The following SGCD variants were observed in gnomAD, a reference collection of about 807,000 sequenced individuals.
The protein encoded by SGCD is delta-sarcoglycan.
A neutral mutation model predicts 36.6 loss-of-function variants in SGCD; 18 were observed. The observed-to-expected ratio is 0.49, with a 90% CI of 0.34 to 0.73. The LOEUF (loss-of-function observed/expected upper bound fraction) is 0.73. Ranked by LOEUF, SGCD falls within the 30% of genes least tolerant of loss-of-function variation. SGCD has a pLI of 0.01. For missense variants in SGCD, 387 were observed against 346.7 expected (o/e 1.12, Z -0.92); for synonymous variants, 133 against 130.6 (o/e 1.02, Z -0.12).
At chr5:156,069,485 C>T (rs1383289519) in intron 1 of SGCD, among the ~76,000 whole-genome samples, 1 of 152,044 alleles carries the variant, frequency 6.6e-6, no homozygotes, top group Non-Finnish European at 1.5e-5. Flanking sequence ...TGATCTATAT[C>T]TCCATTTTGG....
At chr5:156,197,472 C>CTTTT (rs368116194) in intron 3 of SGCD, among the ~76,000 whole-genome samples, 7 of 134,000 alleles carry the variant, frequency 5.2e-5, no homozygotes, top group Admixed American at 7.5e-5. Flanking sequence ...AATAGTTTTC[C>CTTTT]TTTTTTTTTT....
At chr5:156,321,424 T>TAAAC (rs1362764919) in intron 3 of SGCD, among the ~76,000 whole-genome samples, 5 of 119,104 alleles carry the variant, frequency 4.2e-5, no homozygotes, top group African/African-American at 1.6e-4. Context: ...CGACTGAAAA[T>TAAAC]AAATAAACAA....
At chr5:156,389,018 A>T (rs1450033489) in intron 3 of SGCD, among the ~76,000 whole-genome samples, 1 of 152,184 alleles carries the variant, frequency 6.6e-6, no homozygotes, top group Non-Finnish European at 1.5e-5. Flanking sequence ...ATTCTTATCT[A>T]GAGTAAGGCT....
intron 3 of SGCD, among the ~76,000 whole-genome samples, chr5:156,426,119 C>T (rs899400211): frequency 1.3e-5 from 2 of 152,060 alleles, no homozygotes; most frequent in Non-Finnish European, 2.9e-5. Context: ...ACTTTCAGTT[C>T]TTTAAGGAAT....
At chr5:155,733,976 G>T in the SGCD span, among the ~76,000 whole-genome samples, 1 of 151,508 alleles carries the variant, frequency 6.6e-6, no homozygotes. Context: ...CTATGTGCCA[G>T]GTTCCATTTA....
In SGCD at chr5:156,393,188, A is replaced by G. The variant is rs545993907; in HGVS notation, c.192+48511A>G. 3.2e-3 allele frequency among the ~76,000 whole-genome samples: 484 copies of G among 152,324 alleles called. 5 individuals carry two copies. Among genetic ancestry groups the G allele is most frequent in the Non-Finnish European group, 3.0e-3 (204 of 68,024 alleles). On this transcript the variant is annotated intron_variant, in intron 3 of 8. Transcript: ENST00000337851. Reference sequence around the variant, plus strand: ...AAACCAAGAGACAGGGACAGGACGGACATGCTTGAATAAATGAAATGTAAT... The same window carrying G: ...AAACCAAGAGACAGGGACAGGACGGGCATGCTTGAATAAATGAAATGTAAT...
At chr5:156,440,592 G>C (rs1249580772) in intron 3 of SGCD, among the ~76,000 whole-genome samples, 2 of 152,032 alleles carry the variant, frequency 1.3e-5, no homozygotes, top group African/African-American at 4.8e-5. Context: ...ATATAAAAGG[G>C]TTCTAGTTTT....
intron 1 of SGCD, among the ~76,000 whole-genome samples, chr5:155,973,933 T>A (rs1307723011): frequency 6.6e-6 from 1 of 152,184 alleles, no homozygotes; most frequent in Non-Finnish European, 1.5e-5. Flanking sequence ...TGGCCTCCAA[T>A]GTAGGTGCTC....
the SGCD span, among the ~76,000 whole-genome samples, chr5:155,821,594 T>C: frequency 2.0e-5 from 3 of 152,200 alleles, no homozygotes; most frequent in African/African-American, 7.2e-5. Flanking sequence ...ATTACAGGTG[T>C]GAGCTACTGT....
intron 3 of SGCD, among the ~76,000 whole-genome samples, chr5:156,383,583 G>C (rs1228730192): frequency 2.0e-5 from 3 of 152,118 alleles, no homozygotes; most frequent in Non-Finnish European, 4.4e-5. Flanking sequence ...CTCTGCTTCT[G>C]GTCACTGTGG....
At chr5:156,526,195 C>G (rs1477020177) in intron 4 of SGCD, among the ~76,000 whole-genome samples, 1 of 151,764 alleles carries the variant, frequency 6.6e-6, no homozygotes, top group Non-Finnish European at 1.5e-5. Context: ...AGAACTTAAG[C>G]TGGGGAAGGA....
intron 3 of SGCD, among the ~76,000 whole-genome samples, chr5:156,437,418 C>G (rs1371009399): frequency 6.6e-6 from 1 of 152,090 alleles, no homozygotes; most frequent in Non-Finnish European, 1.5e-5. Flanking sequence ...GAAGTATTGT[C>G]TATGGCAAAG....
chr5:156,606,338 C>A (rs1761452193), intron 6 of SGCD, among the ~76,000 whole-genome samples: 1 of 151,952 alleles, frequency 6.6e-6, no homozygotes, highest in African/African-American at 2.4e-5. Flanking sequence ...TCAGGTATGT[C>A]AAAGATCAGA....
At chr5:155,763,872 T>TCC in the SGCD span, among the ~76,000 whole-genome samples, 2 of 151,696 alleles carry the variant, frequency 1.3e-5, no homozygotes, top group East Asian at 3.9e-4. Context: ...CCTCTCTCTC[T>TCC]CTCTCTCTCT....
chr5:156,082,616 A>G (rs1311445551), intron 1 of SGCD, among the ~76,000 whole-genome samples: 1 of 152,208 alleles, frequency 6.6e-6, no homozygotes, highest in Non-Finnish European at 1.5e-5. Flanking sequence ...GTTTGCTTAA[A>G]CATTCATTTC....
intron 3 of SGCD, among the ~76,000 whole-genome samples, chr5:156,421,168 G>T (rs748014340): frequency 2.2e-4 from 34 of 152,052 alleles, no homozygotes; most frequent in Admixed American, 2.2e-3. Context: ...AAGGCACAAA[G>T]AAAGTATATG....
At chr5:155,742,318 A>G in the SGCD span, among the ~76,000 whole-genome samples, 5 of 152,204 alleles carry the variant, frequency 3.3e-5, no homozygotes, top group African/African-American at 1.2e-4. Flanking sequence ...TTTTTTCCAC[A>G]CAATGAAATT....
At chr5:156,484,643 A>G (rs1755579027) in intron 3 of SGCD, among the ~76,000 whole-genome samples, 2 of 152,114 alleles carry the variant, frequency 1.3e-5, no homozygotes, top group South Asian at 4.1e-4. Flanking sequence ...GCTTTTTTGT[A>G]TTCCTGTACC....
At chr5:156,252,591 T>G (rs1765610186) in intron 3 of SGCD, among the ~76,000 whole-genome samples, 1 of 152,218 alleles carries the variant, frequency 6.6e-6, no homozygotes, top group African/African-American at 2.4e-5. Context: ...GTTACTATAA[T>G]GCGTGAGTGT....
Sources: gnomAD v4.1 joint callset for allele counts (sites outside exome capture counted in the v4.1 genomes callset) on GRCh38, gnomAD v4.1.1 for gene constraint, MANE v1.5 for transcripts, NCBI Gene and HGNC (gene_info 2026-07-23, HGNC 2026-07-21) for gene names.